Variants in BCAS4 observed in about 807,000 individuals in gnomAD.
The protein encoded by BCAS4 is breast carcinoma-amplified sequence 4.
Under a neutral mutation model 15.7 loss-of-function variants are expected in BCAS4, and 9 were observed. The observed-to-expected ratio is 0.57, with a 90% CI of 0.34 to 1.00. The LOEUF is 1.00. Ranked by LOEUF, BCAS4 falls within the 50% of genes least tolerant of loss-of-function variation. The pLI is 0.02. For synonymous variants in BCAS4, 101 were observed against 99.5 expected (o/e 1.02, Z -0.09); for missense variants, 225 against 239.1 (o/e 0.94, Z 0.39).
chr20:50,837,767 G>A (rs1168677457), intron 3 of BCAS4, among the ~76,000 whole-genome samples: 1 of 152,218 alleles, frequency 6.6e-6, no homozygotes, highest in East Asian at 1.9e-4. Context: ...TTCAGACATC[G>A]CGAGTACACA....
chr20:50,818,292 T>TGCCTGCAAGGCGTGGGTTTAG lies in BCAS4; in HGVS notation c.162+15_162+16insCAAGGCGTGGGTTTAGGCCTG. 1 of 1,606,600 alleles carries TGCCTGCAAGGCGTGGGTTTAG rather than the reference T, an allele frequency of 6.2e-7. No homozygotes were observed. Among genetic ancestry groups the TGCCTGCAAGGCGTGGGTTTAG allele is most frequent in the Non-Finnish European group, 8.5e-7 (1 of 1,176,568 alleles). Reference sequence around the variant, plus strand: ...CAGCCTGGCTGACCTGGTGAGTGGCTGCCTGGAAGGCGTGGGTTTAGGCCC... The same window carrying TGCCTGCAAGGCGTGGGTTTAG: ...CAGCCTGGCTGACCTGGTGAGTGGCTGCCTGCAAGGCGTGGGTTTAGGCCTGGAAGGCGTGGGTTTAGGCCC... On this transcript the variant is annotated intron_variant, in intron 2 of 4. Transcript: ENST00000371608.
chr20:50,812,805 T>A (rs1327751354), intron 1 of BCAS4, among the ~76,000 whole-genome samples: 2 of 152,080 alleles, frequency 1.3e-5, no homozygotes, highest in African/African-American at 2.4e-5. Context: ...TTCATTTCTT[T>A]TTTATTTATT....
intron 2 of BCAS4, among the ~76,000 whole-genome samples, chr20:50,820,791 G>C (rs147045652): frequency 6.6e-6 from 1 of 152,260 alleles, no homozygotes; most frequent in East Asian, 1.9e-4. Context: ...CATCAGGCAG[G>C]TCCTCCTAAC....
At chr20:50,865,084 C>G (rs1312814641) in intron 4 of BCAS4, among the ~76,000 whole-genome samples, 1 of 152,074 alleles carries the variant, frequency 6.6e-6, no homozygotes, top group Non-Finnish European at 1.5e-5. Context: ...CAGAGCAAGA[C>G]TCTATCTCAA....
intron 3 of BCAS4, among the ~76,000 whole-genome samples, chr20:50,839,703 G>A (rs972252145): frequency 1.3e-5 from 2 of 152,094 alleles, no homozygotes; most frequent in Admixed American, 6.5e-5. Context: ...ATGGGGTTTC[G>A]CCATGCTGGC....
At chr20:50,800,003 G>A (rs1369051895) in intron 1 of BCAS4, among the ~76,000 whole-genome samples, 5 of 152,122 alleles carry the variant, frequency 3.3e-5, no homozygotes, top group African/African-American at 9.7e-5. Context: ...AGCTGAGATC[G>A]CATCACTGCA....
At chr20:50,845,196 GCTGGGATTTGAA>G (rs1158785104) in intron 4 of BCAS4, among the ~76,000 whole-genome samples, 1 of 152,122 alleles carries the variant, frequency 6.6e-6, no homozygotes, top group African/African-American at 2.4e-5. Context: ...AAATGGTGGA[GCTGGGATTTGAA>G]CTTGTGATGT....
intron 2 of BCAS4, 120 bp downstream of exon 2, chr20:50,818,402 C>T (rs1471627381): frequency 4.2e-6 from 4 of 951,344 alleles, no homozygotes; most frequent in Admixed American, 4.4e-5. Context: ...GGGGCAGCGG[C>T]CAGCGCTGAG....
chr20:50,800,661 A>T (rs1416169664), intron 1 of BCAS4, among the ~76,000 whole-genome samples: 2 of 148,462 alleles, frequency 1.3e-5, no homozygotes, highest in African/African-American at 5.0e-5. Flanking sequence ...TCCTGGGTTC[A>T]AGCGATTCTC....
At chr20:50,794,952 G>C (rs1000581735), upstream of BCAS4, 7 of 1,192,840 alleles carry the variant, frequency 5.9e-6, no homozygotes, top group African/African-American at 1.6e-5. Context: ...CGCGACCGCC[G>C]GGAGCGCACC....
intron 1 of BCAS4, among the ~76,000 whole-genome samples, chr20:50,806,789 G>GAGC (rs1569018192): frequency 6.6e-6 from 1 of 151,156 alleles, no homozygotes; most frequent in Non-Finnish European, 1.5e-5. Context: ...AAGGTGAAAT[G>GAGC]AGCACATCAT....
chr20:50,829,033 A>G (rs1002214891), intron 2 of BCAS4, among the ~76,000 whole-genome samples: 2 of 152,166 alleles, frequency 1.3e-5, no homozygotes, highest in Non-Finnish European at 2.9e-5. Flanking sequence ...CACAGAGCTC[A>G]TGGTGGGTAG....
At chr20:50,872,980 G>C (rs925179926) in intron 4 of BCAS4, among the ~76,000 whole-genome samples, 1 of 152,224 alleles carries the variant, frequency 6.6e-6, no homozygotes, top group Non-Finnish European at 1.5e-5. Context: ...ACGGGAAGCA[G>C]CTGTTCAATA....
chr20:50,873,766 C>T (rs974148611), intron 4 of BCAS4, among the ~76,000 whole-genome samples: 2 of 152,184 alleles, frequency 1.3e-5, no homozygotes, highest in African/African-American at 4.8e-5. Flanking sequence ...CCCGAGTCAT[C>T]CCCTGAGCAG....
chr20:50,820,657 G>A (rs1017998086), intron 2 of BCAS4, among the ~76,000 whole-genome samples: 2 of 152,162 alleles, frequency 1.3e-5, no homozygotes, highest in African/African-American at 4.8e-5. Flanking sequence ...AAGAGGGCTG[G>A]GGGCAGAAGT....
At chr20:50,824,995 T>C (rs1180913518) in intron 2 of BCAS4, among the ~76,000 whole-genome samples, 1 of 152,186 alleles carries the variant, frequency 6.6e-6, no homozygotes, top group East Asian at 1.9e-4. Flanking sequence ...TTAGGAAGGG[T>C]GGTCTCAGGC....
chr20:50,801,560 C>T (rs766497353), intron 1 of BCAS4, among the ~76,000 whole-genome samples: 1 of 152,098 alleles, frequency 6.6e-6, no homozygotes, highest in African/African-American at 2.4e-5. Context: ...AGGCTGGTCT[C>T]GAATTCCTGG....
chr20:50,864,050 G>A (rs567569440), intron 4 of BCAS4, among the ~76,000 whole-genome samples: 1 of 152,344 alleles, frequency 6.6e-6, no homozygotes, highest in African/African-American at 2.4e-5. Context: ...CGTGCCCAGG[G>A]CTCATCTGTG....
intron 4 of BCAS4, among the ~76,000 whole-genome samples, chr20:50,856,471 A>C (rs1007394563): frequency 6.6e-6 from 1 of 152,164 alleles, no homozygotes; most frequent in Non-Finnish European, 1.5e-5. Flanking sequence ...TGGTTTTTAA[A>C]TGGAGTGAGA....
Sources: allele counts gnomAD v4.1 joint callset (sites outside exome capture counted in the v4.1 genomes callset), GRCh38; gene constraint gnomAD v4.1.1; transcripts MANE v1.5; gene names NCBI Gene and HGNC (gene_info 2026-07-23, HGNC 2026-07-21).